Variants in CA10 observed in about 807,000 individuals in gnomAD.
CA10 encodes the protein carbonic anhydrase-related protein 10.
A neutral mutation model predicts 44.2 loss-of-function variants in CA10; 14 were observed. That is an observed-to-expected ratio of 0.32 (90% CI 0.21 to 0.50). The LOEUF (loss-of-function observed/expected upper bound fraction) is 0.50. Among genes scored for constraint, CA10 ranks in the 20% least tolerant of loss-of-function variants. The pLI is 0.99. For synonymous variants in CA10, 159 were observed against 141.6 expected (o/e 1.12, Z -0.87); for missense variants, 350 against 409.7 (o/e 0.85, Z 1.26).
At chr17:51,904,273 C>T (rs988834541) in intron 3 of CA10, among the ~76,000 whole-genome samples, 6 of 151,962 alleles carry the variant, frequency 3.9e-5, no homozygotes, top group Non-Finnish European at 7.4e-5. Context: ...TTGTTCTCTC[C>T]TTTGACCAAT....
chr17:51,834,637 C>A (rs1315692718), intron 3 of CA10, among the ~76,000 whole-genome samples: 1 of 152,154 alleles, frequency 6.6e-6, no homozygotes, highest in Non-Finnish European at 1.5e-5. Context: ...GCAGAAGCTT[C>A]CACATGAGGC....
In CA10 at chr17:51,755,709, T is replaced by C. The variant is rs375743873; in HGVS notation, c.280-7891A>G. ...AGGAAGGGTGGAGGACACCTACTAA[T>C]TGGAGGATTTACTATGTGTCAGATG... is the stretch of plus-strand genomic sequence containing the variant. On this transcript the variant is annotated intron_variant, in intron 3 of 8. Transcript: ENST00000451037. 1.4e-3 allele frequency among the ~76,000 whole-genome samples: 220 copies of C among 152,310 alleles called. 1 individual carries two copies. The Middle Eastern group carries it at 0.031, about 21-fold the overall frequency.
rs1270323605 is a variant in CA10, at chr17:52,093,572, GT to G, written c.62-21180del. Among the ~76,000 whole-genome samples, 6 of 152,186 alleles carry G rather than the reference GT, an allele frequency of 3.9e-5. No homozygotes were observed. The South Asian group carries it at 1.0e-3, about 26-fold the overall frequency. On this transcript the variant is annotated intron_variant, in intron 1 of 8. Transcript: ENST00000451037. ...TTTTTAATCATCACTTAACTTTTGT[GT>G]TGTTATTTCACTCCTCTCTTGTTGT...
intron 2 of CA10, among the ~76,000 whole-genome samples, chr17:51,991,758 G>A (rs1012857237): frequency 8.5e-5 from 13 of 152,082 alleles, no homozygotes; most frequent in African/African-American, 2.7e-4. Flanking sequence ...GGAGTGAGCC[G>A]AGATCACGCC....
chr17:51,831,667 A>AAGC (rs66635963), intron 3 of CA10, among the ~76,000 whole-genome samples: 14,569 of 127,186 alleles, frequency 0.11, 1,552 homozygotes, highest in Non-Finnish European at 0.16. Context: ...AGAAAAGAAA[A>AAGC]AGCAGCAGCA....
At chr17:52,090,205 A>C (rs1988222603) in intron 1 of CA10, among the ~76,000 whole-genome samples, 1 of 152,196 alleles carries the variant, frequency 6.6e-6, no homozygotes, top group Non-Finnish European at 1.5e-5. Flanking sequence ...TTCAAAAGTG[A>C]TAGGCCAAGT....
At chr17:51,691,585 A>G (rs1376760177) in intron 4 of CA10, among the ~76,000 whole-genome samples, 1 of 152,012 alleles carries the variant, frequency 6.6e-6, no homozygotes, top group Non-Finnish European at 1.5e-5. Flanking sequence ...ATGTAGTCCC[A>G]TTTGCTTTTG....
intron 3 of CA10, among the ~76,000 whole-genome samples, chr17:51,928,341 C>T (rs1982512918): frequency 1.3e-5 from 2 of 152,038 alleles, no homozygotes; most frequent in South Asian, 2.1e-4. Context: ...TTTTCTATTA[C>T]ACTCAAGGCA....
At chr17:52,104,793 G>T (rs537014649) in intron 1 of CA10, among the ~76,000 whole-genome samples, 1 of 152,150 alleles carries the variant, frequency 6.6e-6, no homozygotes, top group Non-Finnish European at 1.5e-5. Context: ...GGTGCCTCTC[G>T]CTAGTCTTGG....
At chr17:51,846,586 C>T (rs1978503065) in intron 3 of CA10, among the ~76,000 whole-genome samples, 1 of 152,234 alleles carries the variant, frequency 6.6e-6, no homozygotes, top group Admixed American at 6.5e-5. Context: ...GAGTTTAAAG[C>T]TGGGCAGTCT....
chr17:51,909,795 C>T (rs1022829932), intron 3 of CA10, among the ~76,000 whole-genome samples: 2 of 152,098 alleles, frequency 1.3e-5, no homozygotes, highest in African/African-American at 2.4e-5. Context: ...TGCATCTCAT[C>T]GATGTTAACT....
At chr17:51,804,948 G>C (rs1177202193) in intron 3 of CA10, among the ~76,000 whole-genome samples, 1 of 152,160 alleles carries the variant, frequency 6.6e-6, no homozygotes, top group Non-Finnish European at 1.5e-5. Context: ...AACTAGGGAA[G>C]GGAGAGACAG....
chr17:51,747,368 C>T (rs148298771), intron 4 of CA10, among the ~76,000 whole-genome samples: 100 of 152,308 alleles, frequency 6.6e-4, no homozygotes, highest in African/African-American at 2.3e-3. Context: ...CTAGAAATAT[C>T]ACTGGACATG....
At chr17:51,932,474 GGGA>G (rs1274212398) in intron 2 of CA10, among the ~76,000 whole-genome samples, 1 of 152,066 alleles carries the variant, frequency 6.6e-6, no homozygotes, top group Non-Finnish European at 1.5e-5. Context: ...TAACAGACAT[GGGA>G]GGAGAACTAA....
At chr17:51,952,750 T>C (rs1983532418) in intron 2 of CA10, among the ~76,000 whole-genome samples, 1 of 152,116 alleles carries the variant, frequency 6.6e-6, no homozygotes, top group African/African-American at 2.4e-5. Context: ...AATAGCAACA[T>C]AGACTCAGAG....
At chr17:51,999,328 T>C (rs1985343081) in intron 2 of CA10, among the ~76,000 whole-genome samples, 1 of 151,982 alleles carries the variant, frequency 6.6e-6, no homozygotes, top group South Asian at 2.1e-4. Flanking sequence ...GTATTGAAAA[T>C]GAAGGATATG....
chr17:52,047,424 G>T (rs1986942694), intron 2 of CA10, among the ~76,000 whole-genome samples: 1 of 151,854 alleles, frequency 6.6e-6, no homozygotes, highest in African/African-American at 2.4e-5. Context: ...TGAAATTAAA[G>T]AATTTTACTA....
chr17:51,649,343 A>G lies in CA10; in HGVS notation c.562-89T>C, dbSNP rs1913465361. 4 of 968,116 alleles carry G rather than the reference A, an allele frequency of 4.1e-6. No homozygotes were observed. The Admixed American group carries it at 7.2e-5, about 17-fold the overall frequency. 60.0% of individuals were successfully genotyped at this position (968,116 alleles called of 1,614,324 possible). ...GACATTCACTTATTCATTCATAGTT[A>G]CTGAGTATCTACCATGAGCCAAACA... On this transcript the variant is annotated intron_variant, in intron 5 of 8. Coordinates refer to ENST00000451037, the MANE Select transcript of CA10 (RefSeq NM_020178.5).
intron 3 of CA10, among the ~76,000 whole-genome samples, chr17:51,890,531 C>T (rs1598102687): frequency 1.3e-5 from 2 of 152,118 alleles, no homozygotes; most frequent in Non-Finnish European, 2.9e-5. Flanking sequence ...TTTTAAACCT[C>T]GCTTGAATGA....
Sources: allele counts gnomAD v4.1 joint callset (sites outside exome capture counted in the v4.1 genomes callset), GRCh38; gene constraint gnomAD v4.1.1; transcripts MANE v1.5; gene names NCBI Gene and HGNC (gene_info 2026-07-23, HGNC 2026-07-21).